Variants in ANKS1B observed in about 807,000 individuals in gnomAD.
ANKS1B encodes ankyrin repeat and sterile alpha motif domain-containing protein 1B.
A neutral mutation model predicts 148.3 loss-of-function variants in ANKS1B; 36 were observed. The ratio of observed to expected loss-of-function variants is 0.24; its 90% CI spans 0.19 to 0.32. The LOEUF (loss-of-function observed/expected upper bound fraction) is 0.32. Ranked by LOEUF, ANKS1B falls within the 10% of genes least tolerant of loss-of-function variation. The pLI is 1.00. For synonymous variants in ANKS1B, 542 were observed against 560.8 expected, an observed-to-expected ratio of 0.97 and a Z score of 0.47; for missense variants, 1,157 against 1,542.6, an observed-to-expected ratio of 0.75 and a Z score of 4.19.
In ANKS1B at chr12:99,922,952, T is replaced by C. The variant is rs184683849; in HGVS notation, c.134+61152A>G. On this transcript the variant is annotated intron_variant, in intron 1 of 26. Transcript: ENST00000683438. ...CTCCAGAACTATAAAAAAAAAAAAA[T>C]TCTTTTCCTTATAAATTACTTAATC... is the stretch of plus-strand genomic sequence containing the variant. Among the ~76,000 whole-genome samples, 85 of 148,396 alleles carry C rather than the reference T, an allele frequency of 5.7e-4. 1 individual carries two copies. In the East Asian group the frequency reaches 0.015, roughly 26 times the overall value.
intron 10 of ANKS1B, among the ~76,000 whole-genome samples, chr12:99,460,577 T>G (rs1036289801): frequency 6.6e-6 from 1 of 151,728 alleles, no homozygotes; most frequent in African/African-American, 2.4e-5. Context: ...TCATCAAAAA[T>G]TGAGTTAAGG....
At chr12:99,818,261 C>T (rs1278933834) in intron 2 of ANKS1B, among the ~76,000 whole-genome samples, 2 of 151,734 alleles carry the variant, frequency 1.3e-5, no homozygotes, top group Admixed American at 1.3e-4. Flanking sequence ...TTTAAGGTAT[C>T]CACAAAGGAA....
intron 8 of ANKS1B, among the ~76,000 whole-genome samples, chr12:99,665,807 G>A (rs1334089190): frequency 2.6e-5 from 4 of 152,228 alleles, no homozygotes; most frequent in South Asian, 2.1e-4. Flanking sequence ...TTGCTGTGTT[G>A]TAAGAGTATT....
chr12:99,440,002 T>G (rs1308297602), intron 11 of ANKS1B, among the ~76,000 whole-genome samples: 1 of 151,814 alleles, frequency 6.6e-6, no homozygotes, highest in African/African-American at 2.4e-5. Context: ...CAAACCATTA[T>G]GTTGAGTGAA....
chr12:99,408,855 G>T (rs1429996622), intron 11 of ANKS1B, among the ~76,000 whole-genome samples: 4 of 145,682 alleles, frequency 2.7e-5, no homozygotes, highest in Admixed American at 2.0e-4. Flanking sequence ...AACGACAAAT[G>T]CTGGCAAGGA....
chr12:99,447,543 T>C (rs1402684492), intron 10 of ANKS1B, among the ~76,000 whole-genome samples: 1 of 151,978 alleles, frequency 6.6e-6, no homozygotes, highest in Non-Finnish European at 1.5e-5. Context: ...CAACATTGAT[T>C]TGGGCAATGA....
intron 9 of ANKS1B, among the ~76,000 whole-genome samples, chr12:99,634,760 A>G (rs900396714): frequency 6.6e-6 from 1 of 152,228 alleles, no homozygotes; most frequent in Admixed American, 6.5e-5. Flanking sequence ...ACAAAAGTAA[A>G]AATTAGATAA....
chr12:98,925,872 C>A (rs1397336075), intron 17 of ANKS1B, among the ~76,000 whole-genome samples: 2 of 152,088 alleles, frequency 1.3e-5, no homozygotes. Flanking sequence ...GTGGGAATAG[C>A]CCTGACCCCA....
chr12:99,489,185 T>A (rs112109972), intron 10 of ANKS1B, among the ~76,000 whole-genome samples: 5 of 144,978 alleles, frequency 3.4e-5, no homozygotes, highest in African/African-American at 1.3e-4. Flanking sequence ...GAGGTGGCAG[T>A]GAGCGGAGAT....
Position 99,922,421 on chromosome 12 carries a change from G to GA in ANKS1B, c.134+61682dup, listed in dbSNP as rs1022390122. On this transcript the variant is annotated intron_variant, in intron 1 of 26. Transcript: ENST00000683438. ...CACTAAACACTTCTAACAAGAGTAG[G>GA]AAAAAAAACATTTCAGGAAAAACGT... Among the ~76,000 whole-genome samples the GA allele has an allele frequency of 2.0e-5, 3 of 151,580 alleles. 1 individual carries two copies. The South Asian group carries it at 6.3e-4, about 32-fold the overall frequency.
chr12:99,055,167 T>C (rs989065316), intron 16 of ANKS1B, among the ~76,000 whole-genome samples: 8 of 152,180 alleles, frequency 5.3e-5, no homozygotes, highest in Admixed American at 6.5e-5. Context: ...TACAAAAATA[T>C]TGGGGCTGGG....
At chr12:98,838,523 T>G (rs1178048973) in intron 17 of ANKS1B, among the ~76,000 whole-genome samples, 1 of 152,226 alleles carries the variant, frequency 6.6e-6, no homozygotes, top group Non-Finnish European at 1.5e-5. Context: ...GTAGCTGGAA[T>G]TCTTCAGAGA....
intron 14 of ANKS1B, among the ~76,000 whole-genome samples, chr12:99,229,566 C>A (rs2153949894): frequency 6.6e-6 from 1 of 151,982 alleles, no homozygotes; most frequent in African/African-American, 2.4e-5. Flanking sequence ...ACCATAGAAT[C>A]AACCAATAAC....
At chr12:99,948,467 G>T (rs182557639) in intron 1 of ANKS1B, among the ~76,000 whole-genome samples, 17 of 151,940 alleles carry the variant, frequency 1.1e-4, no homozygotes, top group African/African-American at 4.1e-4. Flanking sequence ...TTTTAATTTA[G>T]ATACAAAGAA....
intron 12 of ANKS1B, among the ~76,000 whole-genome samples, chr12:99,302,469 G>C (rs984937855): frequency 6.6e-6 from 1 of 151,984 alleles, no homozygotes; most frequent in African/African-American, 2.4e-5. Context: ...TTTTTTCAGA[G>C]TTGAAAAAAC....
chr12:99,676,276 T>C (rs779271952), intron 8 of ANKS1B, among the ~76,000 whole-genome samples: 5 of 152,220 alleles, frequency 3.3e-5, no homozygotes, highest in African/African-American at 7.2e-5. Flanking sequence ...TATGTCTTGA[T>C]AGCATTGTGA....
intron 17 of ANKS1B, among the ~76,000 whole-genome samples, chr12:98,845,635 AG>A (rs1461913679): frequency 1.3e-5 from 2 of 152,142 alleles, no homozygotes; most frequent in African/African-American, 4.8e-5. Context: ...ATGCCAGAAG[AG>A]GAAGTCCAGC....
chr12:99,899,863 T>C (rs535428991), intron 1 of ANKS1B, among the ~76,000 whole-genome samples: 107 of 152,238 alleles, frequency 7.0e-4, no homozygotes, highest in Non-Finnish European at 1.3e-3. Context: ...TTCCAGGATA[T>C]GGATTGGCAA....
At chr12:99,564,139 A>T (rs2153208341) in intron 9 of ANKS1B, among the ~76,000 whole-genome samples, 1 of 152,274 alleles carries the variant, frequency 6.6e-6, no homozygotes, top group South Asian at 2.1e-4. Context: ...ACATTGAATG[A>T]AAACTTCTCT....
Sources: allele counts gnomAD v4.1 joint callset (sites outside exome capture counted in the v4.1 genomes callset), GRCh38; gene constraint gnomAD v4.1.1; transcripts MANE v1.5; gene names NCBI Gene and HGNC (gene_info 2026-07-23, HGNC 2026-07-21).